SLC28A2: variants seen among roughly 807,000 people sequenced by gnomAD.
SLC28A2 encodes the protein solute carrier family 28 member 2.
SLC28A2 carries 69 observed loss-of-function variants against 72.9 expected under a neutral mutation model. The observed-to-expected ratio is 0.95, with a 90% CI of 0.78 to 1.16. The LOEUF is 1.16. SLC28A2 is among the 50% of genes most tolerant of loss of function. The pLI is 0.00. For synonymous variants in SLC28A2, 296 were observed against 294.1 expected (o/e 1.01, Z -0.07); for missense variants, 745 against 791.1 (o/e 0.94, Z 0.70).
At chr15:45,270,486 AC>A (rs1319149990) in intron 15 of SLC28A2, among the ~76,000 whole-genome samples, 1 of 152,184 alleles carries the variant, frequency 6.6e-6, no homozygotes, top group Non-Finnish European at 1.5e-5. Context: ...AACTTCAGTT[AC>A]TTCTTTTTCC....
intron 3 of SLC28A2, 85 bp downstream of exon 3, chr15:45,253,605 C>A (rs898696294): frequency 1.3e-5 from 10 of 741,146 alleles, no homozygotes; most frequent in Middle Eastern, 3.7e-4. Context: ...TTATCACAAC[C>A]GCTCCACCTT....
At chr15:45,258,636 T>C (rs1451326824) in intron 3 of SLC28A2, among the ~76,000 whole-genome samples, 1 of 152,232 alleles carries the variant, frequency 6.6e-6, no homozygotes, top group Non-Finnish European at 1.5e-5. Context: ...TGCTTTACAT[T>C]GTGCTTTGGA....
At position 45,265,138 on chromosome 15, in the gene SLC28A2, C is replaced by CA. The variant is rs760268240; in HGVS notation, c.753dup (p.Leu252ThrfsTer81). 5.6e-4 allele frequency: 895 copies of CA among 1,611,732 alleles called. No individual in the cohort carries two copies. Among genetic ancestry groups the CA allele is most frequent in the Non-Finnish European group, 6.6e-4 (776 of 1,177,916 alleles). On this transcript the variant is annotated frameshift_variant, in exon 8 of 18. Transcript: ENST00000347644. LOFTEE classifies it high-confidence loss of function. ...GGCTCCAGTTTTGTCTTTGGGGATA[C>CA]ACTGGTCAAGGATGTCTTTGCTTTT...
At chr15:45,260,812 T>C (rs895311086) in intron 3 of SLC28A2, among the ~76,000 whole-genome samples, 2 of 152,148 alleles carry the variant, frequency 1.3e-5, no homozygotes. Context: ...GTTCTTGAGA[T>C]CCTAAAGAAT....
chr15:45,254,189 C>A (rs770926754), intron 3 of SLC28A2, among the ~76,000 whole-genome samples: 1 of 151,764 alleles, frequency 6.6e-6, no homozygotes, highest in Non-Finnish European at 1.5e-5. Context: ...GTCTGGAAAA[C>A]AGTGGGTATT....
At chr15:45,253,712 T>C (rs562587906) in intron 3 of SLC28A2, 192 bp downstream of exon 3, 35 of 483,138 alleles carry the variant, frequency 7.2e-5, no homozygotes, top group Middle Eastern at 5.4e-4. Flanking sequence ...AGTATCAGTG[T>C]TGGTTGGACT....
Position 45,272,670 on chromosome 15 carries a change from C to T in SLC28A2, c.1748-3C>T. ...CCTTAGTACCTCTGTCTCCTTTATC[C>T]AGGAATCCTCTATGTCCCCAGGGGA... On this transcript the variant is annotated splice_region_variant and splice_polypyrimidine_tract_variant and intron_variant, in intron 16 of 17. Transcript: ENST00000347644. 1.3e-6 allele frequency: 2 copies of T among 1,535,296 alleles called. No individual in the cohort carries two copies. Among genetic ancestry groups the T allele is most frequent in the Non-Finnish European group, 9.0e-7 (1 of 1,108,142 alleles).
intron 10 of SLC28A2, 49 bp from the exon 11 acceptor site, chr15:45,267,406 T>C (rs2140574389): frequency 1.9e-6 from 3 of 1,610,056 alleles, no homozygotes; most frequent in Non-Finnish European, 2.5e-6. Context: ...CACACTGGCA[T>C]GGGGAGTTAC....
rs753072968 is a variant in SLC28A2, at chr15:45,272,384, T to C, written c.1738T>C (p.Cys580Arg). ...TGACVSLISA[C>R]MAGILYVPRG... ...GGCCTGTGTATCCCTTATCAGTGCC[T>C]GTATGGCAGGTAGGTGCCTCAGCTC... The change falls in exon 16 of 18, where the codon TGT becomes CGT. Residue 580 changes from cysteine (C) to arginine (R), a missense_variant. Cys to Arg is a radical substitution (Grantham distance 180). Coordinates refer to ENST00000347644, the MANE Select transcript of SLC28A2 (RefSeq NM_004212.4). 9 of 1,613,128 alleles carry C rather than the reference T, an allele frequency of 5.6e-6. No homozygotes were observed. In the South Asian group the frequency reaches 8.8e-5, roughly 16 times the overall value.
At position 45,277,021 on chromosome 15, in the gene SLC28A2, T is replaced by C. The variant is rs1334354273; in HGVS notation, c.*1508T>C. ...GCTTTTCAGAGGACATCTGACAGTGTGTCTCCAGACATTATTGGTGATTAA... is the reference window on the plus strand; with the variant it reads ...GCTTTTCAGAGGACATCTGACAGTGCGTCTCCAGACATTATTGGTGATTAA... On this transcript the variant is annotated 3_prime_UTR_variant, in exon 18 of 18. Transcript: ENST00000347644. 1 of 152,038 alleles carries C rather than the reference T, an allele frequency of 6.6e-6. No individual in the cohort carries two copies. Among genetic ancestry groups the C allele is most frequent in the Admixed American group, 6.6e-5 (1 of 15,258 alleles). 9.4% of individuals were successfully genotyped at this position (152,038 alleles called of 1,614,324 possible).
intron 10 of SLC28A2, among the ~76,000 whole-genome samples, chr15:45,266,884 G>C (rs1900354382): frequency 6.6e-6 from 1 of 152,144 alleles, no homozygotes; most frequent in African/African-American, 2.4e-5. Context: ...TTAGCATCTA[G>C]TGCAGTGCTA....
At chr15:45,252,725 C>T (rs560145748) in intron 1 of SLC28A2, among the ~76,000 whole-genome samples, 1 of 152,278 alleles carries the variant, frequency 6.6e-6, no homozygotes, top group Non-Finnish European at 1.5e-5. Flanking sequence ...AATTTGAAGG[C>T]CTGTAAATTG....
chr15:45,271,282 T>G (rs1444318237), intron 15 of SLC28A2, among the ~76,000 whole-genome samples: 2 of 152,178 alleles, frequency 1.3e-5, no homozygotes, highest in African/African-American at 4.8e-5. Flanking sequence ...AAATGGATCT[T>G]AGGCTGGATG....
In SLC28A2 at chr15:45,263,135, T is replaced by G. The variant is rs770787306; in HGVS notation, c.337T>G (p.Leu113Val). Residue 113 changes from leucine to valine, a missense_variant, in exon 5 of 18, where the codon TTG becomes GTG. Coordinates refer to ENST00000347644, the MANE Select transcript of SLC28A2 (RefSeq NM_004212.4). ...ACTGGCCTTGTTTGTCATCACCTGC[T>G]TGGTGATCTTTGTCCTGGTTCACTC... Reference protein sequence around the residue: ...RALALFVITCLVIFVLVHSFL... With the variant: ...RALALFVITCVVIFVLVHSFL... The G allele has an allele frequency of 6.2e-7, 1 of 1,613,664 alleles. No individual in the cohort carries two copies. Among genetic ancestry groups the G allele is most frequent in the South Asian group, 1.1e-5 (1 of 91,072 alleles).
At chr15:45,272,026 T>G in intron 15 of SLC28A2, 1 of 377,182 alleles carries the variant, frequency 2.7e-6, no homozygotes. Context: ...TTTATCCAGA[T>G]ACATCTTGGG....
intron 14 of SLC28A2, 72 bp downstream of exon 14, chr15:45,269,607 G>A: frequency 2.2e-6 from 3 of 1,383,184 alleles, no homozygotes; most frequent in Non-Finnish European, 3.1e-6. Flanking sequence ...GACAGAAAGT[G>A]CCAAACAGGT....
intron 15 of SLC28A2, among the ~76,000 whole-genome samples, chr15:45,270,715 C>A (rs577467226): frequency 6.6e-6 from 1 of 152,018 alleles, no homozygotes; most frequent in African/African-American, 2.4e-5. Flanking sequence ...TAAACCTCCA[C>A]CTCCTGGGTT....
In SLC28A2 at chr15:45,264,101, G is replaced by A. The variant is rs149150183; in HGVS notation, c.588+79G>A. Reference sequence around the variant, plus strand: ...GCTAATCATAAAGCGTATGCATCAAGTGTTAATTACAAGGGCATAGAACTA... The same window carrying A: ...GCTAATCATAAAGCGTATGCATCAAATGTTAATTACAAGGGCATAGAACTA... On this transcript the variant is annotated intron_variant, in intron 6 of 17. Coordinates refer to ENST00000347644, the MANE Select transcript of SLC28A2 (RefSeq NM_004212.4). 5.4e-5 allele frequency: 73 copies of A among 1,342,672 alleles called. No homozygotes were observed. In the African/African-American group the frequency reaches 9.9e-4, roughly 18 times the overall value. The allele number at this position is 1,342,672 out of a possible 1,614,324, so 83.2% of individuals were successfully genotyped here.
In SLC28A2 at chr15:45,253,230, TG is replaced by T. The variant is rs1252237222; in HGVS notation, c.17del (p.Gly6GlufsTer15). On this transcript the variant is annotated frameshift_variant, in exon 2 of 18. Transcript: ENST00000347644. LOFTEE classifies it high-confidence loss of function. MEKAS[G>X]RQSIALSTVE... is the part of the protein sequence containing the mutation. The stretch of plus-strand genomic sequence containing the variant: ...GAGAACAGGAGATGGAGAAAGCAAG[TG>T]GAAGACAGTCCATTGCTCTGTCCAC... 2.5e-6 allele frequency: 4 copies of T among 1,612,878 alleles called. No homozygotes were observed. The African/African-American group carries it at 5.3e-5, about 22-fold the overall frequency.
Sources: allele counts gnomAD v4.1 joint callset (sites outside exome capture counted in the v4.1 genomes callset), GRCh38; gene constraint gnomAD v4.1.1; transcripts MANE v1.5; gene names NCBI Gene and HGNC (gene_info 2026-07-23, HGNC 2026-07-21).